Variants in ADAM19 observed in about 807,000 individuals in gnomAD.
ADAM19 encodes the protein ADAM metallopeptidase domain 19, also known as disintegrin and metalloproteinase domain-containing protein 19.
Under a neutral mutation model 114.7 loss-of-function variants are expected in ADAM19, and 65 were observed. That is an observed-to-expected ratio of 0.57 (90% CI 0.46 to 0.70). The LOEUF is 0.70. Among genes scored for constraint, ADAM19 ranks in the 30% least tolerant of loss-of-function variants. The pLI is 0.00. For missense variants in ADAM19, 1,063 were observed against 1,204.7 expected (o/e 0.88, Z 1.74); for synonymous variants, 466 against 460.5 (o/e 1.01, Z -0.15).
chr5:157,514,581 C>T (rs181612411), intron 7 of ADAM19, among the ~76,000 whole-genome samples: 8 of 152,286 alleles, frequency 5.3e-5, no homozygotes, highest in Admixed American at 5.2e-4. Context: ...TCTGCCTTGG[C>T]CTCCCAAAGT....
At chr5:157,555,292 C>T (rs1029375704) in intron 3 of ADAM19, among the ~76,000 whole-genome samples, 8 of 152,168 alleles carry the variant, frequency 5.3e-5, no homozygotes, top group Admixed American at 5.2e-4. Context: ...TACCACAGTA[C>T]GATGCCTGTT....
intron 5 of ADAM19, among the ~76,000 whole-genome samples, chr5:157,525,381 C>T (rs1224063131): frequency 6.6e-6 from 1 of 152,210 alleles, no homozygotes; most frequent in Non-Finnish European, 1.5e-5. Context: ...AACCTCTCTG[C>T]ATCCCAGGAC....
chr5:157,499,747 G>A, intron 12 of ADAM19, 85 bp from the exon 13 acceptor site: 1 of 831,782 alleles, frequency 1.2e-6, no homozygotes, highest in Non-Finnish European at 1.9e-6. Flanking sequence ...CACACCCCTG[G>A]AACCCCAGCT....
chr5:157,518,701 T>C, intron 7 of ADAM19, 122 bp downstream of exon 7: 1 of 922,040 alleles, frequency 1.1e-6, no homozygotes, highest in South Asian at 1.4e-5. Flanking sequence ...AGATTTAAGG[T>C]CAAAATCATA....
At chr5:157,575,580 T>TC (rs1398202371) in intron 1 of ADAM19, 23 bp downstream of exon 1, 9 of 1,439,620 alleles carry the variant, frequency 6.3e-6, no homozygotes, top group East Asian at 3.0e-5. Context: ...CCAGCCTCCA[T>TC]CCCCCCGCGC....
At chr5:157,523,472 T>C (rs972533293) in intron 5 of ADAM19, among the ~76,000 whole-genome samples, 12 of 152,132 alleles carry the variant, frequency 7.9e-5, no homozygotes, top group African/African-American at 2.9e-4. Flanking sequence ...AGAGAGTTTT[T>C]ACTCAGCAAA....
chr5:157,509,692 T>C (rs1430056525), intron 8 of ADAM19, among the ~76,000 whole-genome samples: 1 of 152,268 alleles, frequency 6.6e-6, no homozygotes, highest in East Asian at 1.9e-4. Flanking sequence ...CTGGTGTTAC[T>C]GACATTTTTT....
At chr5:157,503,656 C>T (rs143330970) in intron 11 of ADAM19, among the ~76,000 whole-genome samples, 12 of 152,316 alleles carry the variant, frequency 7.9e-5, no homozygotes, top group African/African-American at 2.9e-4. Flanking sequence ...GAGTGTGTTA[C>T]AAGAGGTCTC....
chr5:157,489,580 C>T (rs914565194), intron 19 of ADAM19, among the ~76,000 whole-genome samples: 1 of 152,220 alleles, frequency 6.6e-6, no homozygotes, highest in Admixed American at 6.5e-5. Flanking sequence ...AGAGACTGTA[C>T]ATCTTCCATA....
chr5:157,507,172 G>A lies in ADAM19; in HGVS notation c.906-32C>T, dbSNP rs761285691. On this transcript the variant is annotated intron_variant, in intron 9 of 22. Transcript: ENST00000257527. ...GAGGCAAGGAGAGACGGTGACCGGG[G>A]ACGAGACTAAGAGGGCTGTTCCAAT... 9 of 1,604,756 alleles carry A rather than the reference G, an allele frequency of 5.6e-6. No homozygotes were observed. The Admixed American group carries it at 1.5e-4, about 27-fold the overall frequency.
chr5:157,496,956 G>A lies in ADAM19; in HGVS notation c.1532C>T (p.Ala511Val). ...GAGGCACATGCCGTTGTAGCAGTAG[G>A]CCTGGCCGCCCTCACAGGGGGTACC... is the stretch of plus-strand genomic sequence containing the variant. ...MDGTPCEGGQ[A>V]YCYNGMCLTY... The change falls in exon 14 of 23, where the codon GCC (alanine) becomes GTC (valine). Residue 511 changes from alanine to valine, a missense_variant. Transcript: ENST00000257527. 6.3e-7 allele frequency: 1 copy of A among 1,598,784 alleles called. No individual in the cohort carries two copies. Among genetic ancestry groups the A allele is most frequent in the Non-Finnish European group, 8.5e-7 (1 of 1,173,642 alleles).
intron 7 of ADAM19, among the ~76,000 whole-genome samples, chr5:157,514,017 A>G (rs1163033392): frequency 6.6e-6 from 1 of 152,134 alleles, no homozygotes; most frequent in Non-Finnish European, 1.5e-5. Context: ...GAAGTGTGAG[A>G]TCTTGGTTCT....
intron 4 of ADAM19, among the ~76,000 whole-genome samples, chr5:157,536,624 T>A (rs953290445): frequency 1.3e-5 from 2 of 149,760 alleles, no homozygotes; most frequent in African/African-American, 4.9e-5. Context: ...TGAAACTCTG[T>A]CACACACACA....
At chr5:157,483,299 T>C (rs1001650418) in intron 21 of ADAM19, among the ~76,000 whole-genome samples, 2 of 152,122 alleles carry the variant, frequency 1.3e-5, no homozygotes, top group Admixed American at 1.3e-4. Flanking sequence ...TGCACAAAAA[T>C]GAAACTGCAA....
At chr5:157,513,334 G>C in intron 8 of ADAM19, 100 bp downstream of exon 8, 1 of 1,203,968 alleles carries the variant, frequency 8.3e-7, no homozygotes, top group South Asian at 1.2e-5. Context: ...TTCCCTTTCA[G>C]AAGATGGCTG....
chr5:157,562,155 G>C (rs148966917), intron 3 of ADAM19, among the ~76,000 whole-genome samples: 2 of 152,312 alleles, frequency 1.3e-5, no homozygotes, highest in South Asian at 4.1e-4. Context: ...CTAGGAAGTC[G>C]TGTGCAGTTG....
intron 3 of ADAM19, among the ~76,000 whole-genome samples, chr5:157,542,777 C>A (rs1386807591): frequency 6.6e-6 from 1 of 152,228 alleles, no homozygotes; most frequent in African/African-American, 2.4e-5. Context: ...TGCACTCCAG[C>A]CTGAGTGACA....
Position 157,478,506 on chromosome 5 carries a change from A to G in ADAM19, c.*2443T>C, listed in dbSNP as rs1289540484. The G allele has an allele frequency of 6.5e-6, 6 of 920,030 alleles. No individual in the cohort carries two copies. Among genetic ancestry groups the G allele is most frequent in the Non-Finnish European group, 7.8e-6 (6 of 770,540 alleles). 57.0% of individuals were successfully genotyped at this position (920,030 alleles called of 1,614,324 possible). A position where few individuals can be genotyped will look rare whatever the true frequency, so the allele number is the denominator to read the frequency against. ...GCAATATTCCCTTTCCCCTTCTGCA[A>G]TCGTGCTTTGGAATAAGGTCTCTCC... On this transcript the variant is annotated 3_prime_UTR_variant, in exon 23 of 23. Coordinates refer to ENST00000257527, the MANE Select transcript of ADAM19 (RefSeq NM_033274.5).
chr5:157,498,820 G>T (rs1293424783), intron 13 of ADAM19, among the ~76,000 whole-genome samples: 1 of 151,826 alleles, frequency 6.6e-6, no homozygotes, highest in Non-Finnish European at 1.5e-5. Context: ...TAATATTTCT[G>T]TAATGCAATA....
Sources: gnomAD v4.1 joint callset for allele counts (sites outside exome capture counted in the v4.1 genomes callset) on GRCh38, gnomAD v4.1.1 for gene constraint, MANE v1.5 for transcripts, NCBI Gene and HGNC (gene_info 2026-07-23, HGNC 2026-07-21) for gene names.